The following NOD2 variants were observed in gnomAD, a reference collection of about 807,000 sequenced individuals.
The protein encoded by NOD2 is nucleotide-binding oligomerization domain-containing protein 2.
A neutral mutation model predicts 90.9 loss-of-function variants in NOD2; 86 were observed. The ratio of observed to expected loss-of-function variants is 0.95; its 90% CI spans 0.79 to 1.13. NOD2 has a LOEUF of 1.13. NOD2 is among the 50% of genes most tolerant of loss of function. The pLI, the probability that NOD2 is intolerant of heterozygous loss-of-function variation, is 0.00. For missense variants in NOD2, 1,238 were observed against 1,283.8 expected (o/e 0.96, Z 0.55); for synonymous variants, 581 against 554.6 (o/e 1.05, Z -0.67).
chr16:50,720,989 G>C (rs1965029189), intron 7 of NOD2, among the ~76,000 whole-genome samples: 2 of 152,180 alleles, frequency 1.3e-5, no homozygotes, highest in South Asian at 4.1e-4. Flanking sequence ...ATTTTTAGTA[G>C]AGACAGGGTT....
rs76626344 is a variant in NOD2, at chr16:50,709,665, C to T, written c.566-893C>T. Among the ~76,000 whole-genome samples the T allele has an allele frequency of 9.5e-3, 1,439 of 152,216 alleles. 25 individuals carry two copies. The highest frequency in any genetic ancestry group is 0.033 in the African/African-American group (1,376 of 41,528). ...CCCCGAGGCCTTCCCTTGCTAGGTC[C>T]ACCCAGATCAATCAGGATCATCTCC... On this transcript the variant is annotated intron_variant, in intron 3 of 11. Coordinates refer to ENST00000647318, the MANE Select transcript of NOD2 (RefSeq NM_001370466.1).
chr16:50,706,353 G>A (rs547065801), intron 2 of NOD2, among the ~76,000 whole-genome samples: 1 of 152,280 alleles, frequency 6.6e-6, no homozygotes, highest in East Asian at 1.9e-4. Context: ...GGACGCTATT[G>A]GGACGTTTGT....
chr16:50,712,260 C>G lies in NOD2; in HGVS notation c.2268C>G (p.Ala756=), dbSNP rs1596871480. 4.3e-6 allele frequency: 7 copies of G among 1,613,876 alleles called. No homozygotes were observed. In the East Asian group the frequency reaches 1.6e-4, roughly 36 times the overall value. The part of the protein sequence containing the change: ...SVGPTECAAL[A]FVLQHLRRPV... Reference sequence around the variant, plus strand: ...GCCCCACTGAGTGTGCTGCCCTGGCCTTTGTGCTGCAGCACCTCCGGCGGC... The same window carrying G: ...GCCCCACTGAGTGTGCTGCCCTGGCGTTTGTGCTGCAGCACCTCCGGCGGC... Residue 756 remains alanine (A), a synonymous_variant, in exon 4 of 12, where the codon GCC becomes GCG. Transcript: ENST00000647318.
rs1965389609 is a variant in NOD2, at chr16:50,729,814, C to T, written c.2886-4C>T. On this transcript the variant is annotated splice_polypyrimidine_tract_variant and splice_region_variant and intron_variant, in intron 10 of 11. Coordinates refer to ENST00000647318, the MANE Select transcript of NOD2 (RefSeq NM_001370466.1). ...GAAGCTCACCATTGTATCTTCTTTT[C>T]CAGGTTGTCCAATAACTGCATCACC... 10 of 1,610,804 alleles carry T rather than the reference C, an allele frequency of 6.2e-6. No homozygotes were observed. Among genetic ancestry groups the T allele is most frequent in the Non-Finnish European group, 8.5e-6 (10 of 1,177,492 alleles).
chr16:50,712,404 A>G lies in NOD2; in HGVS notation c.2381+31A>G, dbSNP rs768364055. 3 of 1,611,094 alleles carry G rather than the reference A, an allele frequency of 1.9e-6. No homozygotes were observed. The African/African-American group carries it at 4.0e-5, about 22-fold the overall frequency. ...TGTTACTGGGCATTGCTGTTCAGGT[A>G]TGGGGGAGCACCATCAAGGCTAAGT... On this transcript the variant is annotated intron_variant, in intron 4 of 11. Coordinates refer to ENST00000647318, the MANE Select transcript of NOD2 (RefSeq NM_001370466.1).
At chr16:50,719,731 C>G (rs779674675) in intron 6 of NOD2, 194 bp from the exon 7 acceptor site, 10 of 704,310 alleles carry the variant, frequency 1.4e-5, no homozygotes, top group Non-Finnish European at 2.3e-5. Flanking sequence ...GCCCCTTTCC[C>G]TTTGCTGGGG....
rs758223679 is a variant in NOD2, at chr16:50,723,364, C to T, written c.2781C>T (p.Asn927=). 8.2e-5 allele frequency: 132 copies of T among 1,613,832 alleles called. 1 individual carries two copies. Among genetic ancestry groups the T allele is most frequent in the Non-Finnish European group, 2.5e-5 (29 of 1,179,836 alleles). The stretch of plus-strand genomic sequence containing the variant: ...CCTTGGCACTGATGCTGGCAAAGAA[C>T]GTCATGCTAGAAGAACTCTGGTGAG... ...AQALALMLAK[N]VMLEELCLEE... Residue 927 remains asparagine (N), a synonymous_variant, in exon 9 of 12, where the codon AAC becomes AAT. Transcript: ENST00000647318.
At chr16:50,703,363 G>C (rs1382511290) in intron 2 of NOD2, among the ~76,000 whole-genome samples, 1 of 152,174 alleles carries the variant, frequency 6.6e-6, no homozygotes, top group African/African-American at 2.4e-5. Context: ...AATTAGGCTG[G>C]GTGCAGTGGC....
chr16:50,725,843 G>A (rs1010975867), intron 10 of NOD2, among the ~76,000 whole-genome samples: 3 of 152,148 alleles, frequency 2.0e-5, no homozygotes, highest in African/African-American at 7.2e-5. Flanking sequence ...ATCAATGAGG[G>A]AAATTGGAGC....
chr16:50,724,858 G>A (rs766645519), intron 9 of NOD2, among the ~76,000 whole-genome samples: 20 of 152,208 alleles, frequency 1.3e-4, no homozygotes, highest in Non-Finnish European at 2.5e-4. Flanking sequence ...GCAGTGTAGG[G>A]TTTGTACAGT....
rs370615110 is a variant in NOD2, at chr16:50,711,848, C to T, written c.1856C>T (p.Thr619Met). The change falls in exon 4 of 12, where the codon ACG becomes ATG. Residue 619 changes from threonine to methionine, a missense_variant. Transcript: ENST00000647318. ...TCACCAATGGCCAGGCTCCTGCCCA[C>T]GATGTGCATCCAGGCCTCGGAGGGA... ...GNSPMARLLP[T>M]MCIQASEGKD... 1.5e-5 allele frequency: 24 copies of T among 1,612,596 alleles called. No individual in the cohort carries two copies. The African/African-American group carries it at 1.6e-4, about 11-fold the overall frequency.
Position 50,711,532 on chromosome 16 carries a change from C to T in NOD2, c.1540C>T (p.Arg514Trp), listed in dbSNP as rs576658764. 131 of 1,612,914 alleles carry T rather than the reference C, an allele frequency of 8.1e-5. No homozygotes were observed. Among genetic ancestry groups the T allele is most frequent in the South Asian group, 4.3e-4 (39 of 91,078 alleles). ...ASQGLGPSLLRGRLPTLLHLG... is the reference protein window; with the variant it reads ...ASQGLGPSLLWGRLPTLLHLG... ...CCAAGGTCTGGGACCCAGTCTTCTT[C>T]GGGGCCGCCTCCCCACCCTCCTGCA... The change falls in exon 4 of 12, where the codon CGG becomes TGG. Residue 514 changes from arginine (R) to tryptophan (W), a missense_variant. Arg to Trp is a moderately radical substitution (Grantham distance 101, BLOSUM62 -3). Around this residue, in one of 3 missense-constraint regions of NOD2, gnomAD observed 667 missense variants for 688.7 expected, o/e 0.97. Transcript: ENST00000647318.
chr16:50,711,656 T>A lies in NOD2; in HGVS notation c.1664T>A (p.Leu555His). 1.9e-6 allele frequency: 3 copies of A among 1,613,308 alleles called. No individual in the cohort carries two copies. The highest frequency in any genetic ancestry group is 2.5e-6 in the Non-Finnish European group (3 of 1,179,974). The change falls in exon 4 of 12, where the codon CTT becomes CAT. Residue 555 changes from leucine to histidine, a missense_variant. Leu to His is a moderately conservative substitution (Grantham distance 99, BLOSUM62 -3). Around this residue, in one of 3 missense-constraint regions of NOD2, gnomAD observed 667 missense variants for 688.7 expected, o/e 0.97. Transcript: ENST00000647318. ...AAQVSPDDIS[L>H]GFLVRAKGVV... Reference sequence around the variant, plus strand: ...CAGGTCAGCCCTGATGACATTTCTCTTGGCTTCCTGGTGCGTGCCAAAGGT... The same window carrying A: ...CAGGTCAGCCCTGATGACATTTCTCATGGCTTCCTGGTGCGTGCCAAAGGT...
intron 11 of NOD2, among the ~76,000 whole-genome samples, chr16:50,730,243 A>G (rs182333666): frequency 6.6e-6 from 1 of 152,358 alleles, no homozygotes; most frequent in East Asian, 1.9e-4. Context: ...CAGGTCAAGG[A>G]TATTGGATCA....
At chr16:50,694,228 G>C (rs912918149) in intron 1 of NOD2, among the ~76,000 whole-genome samples, 1 of 152,182 alleles carries the variant, frequency 6.6e-6, no homozygotes, top group Non-Finnish European at 1.5e-5. Context: ...AGCTGCATGA[G>C]GGCTGGGGGC....
intron 2 of NOD2, among the ~76,000 whole-genome samples, chr16:50,700,547 C>T (rs1963895119): frequency 6.6e-6 from 1 of 152,238 alleles, no homozygotes; most frequent in African/African-American, 2.4e-5. Flanking sequence ...CCTCTCCAGC[C>T]TCAGTCTCCC....
intron 6 of NOD2, among the ~76,000 whole-genome samples, chr16:50,717,621 C>T (rs1429824336): frequency 6.6e-6 from 1 of 152,224 alleles, no homozygotes; most frequent in East Asian, 1.9e-4. Context: ...TATTCTTTTA[C>T]CTCTTGGGCT....
chr16:50,696,290 T>A (rs1313906674), intron 1 of NOD2: 1 of 152,322 alleles, frequency 6.6e-6, no homozygotes, highest in Admixed American at 6.5e-5. Flanking sequence ...GGCCTGGGCC[T>A]GGGTTTCAGG....
chr16:50,709,926 T>C, intron 3 of NOD2: 1 of 456,052 alleles, frequency 2.2e-6, no homozygotes, highest in South Asian at 1.5e-5. Context: ...CAGGTGTATA[T>C]TGTCCCCATT....
Sources: gnomAD v4.1 joint callset for allele counts (sites outside exome capture counted in the v4.1 genomes callset) on GRCh38, gnomAD v4.1.1 for gene constraint, gnomAD v4.1.1 regional missense constraint, MANE v1.5 for transcripts, NCBI Gene and HGNC (gene_info 2026-07-23, HGNC 2026-07-21) for gene names.